The following CEP350 variants were observed in gnomAD, a reference collection of about 807,000 sequenced individuals.
CEP350 encodes centrosome-associated protein 350.
Under a neutral mutation model 331.8 loss-of-function variants are expected in CEP350, and 126 were observed. The observed-to-expected ratio is 0.38, with a 90% CI of 0.33 to 0.44. The LOEUF (loss-of-function observed/expected upper bound fraction) is 0.44, where lower values mean the gene tolerates loss of function less well. Ranked by LOEUF, CEP350 falls within the 20% of genes least tolerant of loss-of-function variation. The pLI is 1.00. For missense variants in CEP350, 3,406 were observed against 3,634.6 expected (o/e 0.94, Z 1.62); for synonymous variants, 1,200 against 1,259.5 (o/e 0.95, Z 1.00).
rs752846767 is a variant in CEP350, at chr1:180,022,685, T to C, written c.3236-13T>C. The stretch of plus-strand genomic sequence containing the variant: ...TTCGTTTTTAACCATGTTTCAATTA[T>C]TACTTTTGTCAGGGTTTGAAGACAA... On this transcript the variant is annotated splice_polypyrimidine_tract_variant and intron_variant, in intron 12 of 37. Transcript: ENST00000367607. 7.5e-6 allele frequency: 12 copies of C among 1,604,360 alleles called. No homozygotes were observed. The highest frequency in any genetic ancestry group is 1.0e-5 in the Non-Finnish European group (12 of 1,175,996).
intron 37 of CEP350, among the ~76,000 whole-genome samples, chr1:180,106,721 C>T (rs959830949): frequency 6.6e-6 from 1 of 152,134 alleles, no homozygotes; most frequent in South Asian, 2.1e-4. Context: ...GATGCATCAC[C>T]GCGACCAGCC....
intron 27 of CEP350, among the ~76,000 whole-genome samples, chr1:180,073,254 G>T (rs754193257): frequency 2.0e-5 from 3 of 152,126 alleles, no homozygotes; most frequent in Non-Finnish European, 4.4e-5. Flanking sequence ...TTTATATTGT[G>T]GAGGTGAACA....
intron 37 of CEP350, among the ~76,000 whole-genome samples, 176 bp from the exon 38 acceptor site, chr1:180,110,821 G>GT (rs1054693001): frequency 6.6e-6 from 1 of 152,086 alleles, no homozygotes; most frequent in Non-Finnish European, 1.5e-5. Context: ...GGCAATTGAG[G>GT]TTTTTTCAAC....
intron 1 of CEP350, among the ~76,000 whole-genome samples, chr1:179,974,251 T>C (rs1651679143): frequency 2.6e-5 from 4 of 152,088 alleles, no homozygotes; most frequent in Admixed American, 1.3e-4. Flanking sequence ...GGCTAATTTT[T>C]TGGTATTTTT....
Position 179,992,182 on chromosome 1 carries a change from A to C in CEP350, c.356A>C (p.Asn119Thr), listed in dbSNP as rs528341058. 8 of 1,512,482 alleles carry C rather than the reference A, an allele frequency of 5.3e-6. No homozygotes were observed. The East Asian group carries it at 1.8e-4, about 34-fold the overall frequency. The allele number at this position is 1,512,482 out of a possible 1,614,324, so 93.7% of individuals were successfully genotyped here. Residue 119 changes from asparagine (N) to threonine (T), a missense_variant, in exon 5 of 38, where the codon AAT becomes ACT. Physicochemically the swap from Asn to Thr is moderately conservative, Grantham distance 65. Around this residue, in one of 5 missense-constraint regions of CEP350, gnomAD observed 1,857 missense variants for 1,909.2 expected, o/e 0.97. Coordinates refer to ENST00000367607, the MANE Select transcript of CEP350 (RefSeq NM_014810.5). ...ATTLESNVKK[N>T]NRVEFREPLV... is the part of the protein sequence containing the mutation. Reference sequence around the variant, plus strand: ...ACCCTGGAGAGTAATGTGAAGAAAAATAATCGTGTGGAATTTCGTGAACCT... The same window carrying C: ...ACCCTGGAGAGTAATGTGAAGAAAACTAATCGTGTGGAATTTCGTGAACCT...
chr1:180,009,166 C>T (rs570750764), intron 8 of CEP350, among the ~76,000 whole-genome samples: 2 of 152,256 alleles, frequency 1.3e-5, no homozygotes, highest in East Asian at 1.9e-4. Flanking sequence ...TGTGCCACCA[C>T]GCCCAGCTAA....
At chr1:180,029,402 A>C (rs568392255) in intron 14 of CEP350, among the ~76,000 whole-genome samples, 1 of 152,356 alleles carries the variant, frequency 6.6e-6, no homozygotes, top group East Asian at 1.9e-4. Context: ...TTGTAGAAAA[A>C]TTAGCAATAA....
At chr1:179,959,712 C>T (rs1289662806) in intron 1 of CEP350, among the ~76,000 whole-genome samples, 2 of 151,904 alleles carry the variant, frequency 1.3e-5, no homozygotes, top group Non-Finnish European at 2.9e-5. Context: ...CAAGATTGCA[C>T]CACTGCACTC....
chr1:180,004,933 T>C (rs1301588315), intron 7 of CEP350, among the ~76,000 whole-genome samples: 1 of 99,660 alleles, frequency 1.0e-5, no homozygotes, highest in African/African-American at 2.9e-5. Flanking sequence ...CTTTCTTTCT[T>C]TCTTTCTTTC....
At chr1:179,989,335 T>C (rs370589760) in intron 3 of CEP350, among the ~76,000 whole-genome samples, 18 of 151,716 alleles carry the variant, frequency 1.2e-4, no homozygotes, top group African/African-American at 4.1e-4. Flanking sequence ...ATACAAAAAT[T>C]AGCTGGGCAT....
intron 1 of CEP350, among the ~76,000 whole-genome samples, chr1:179,977,690 T>C (rs1169414608): frequency 6.6e-6 from 1 of 152,200 alleles, no homozygotes; most frequent in Non-Finnish European, 1.5e-5. Flanking sequence ...GTACACTATG[T>C]AGACTTTATA....
chr1:180,080,956 G>A (rs754033341), intron 30 of CEP350, among the ~76,000 whole-genome samples: 2 of 151,854 alleles, frequency 1.3e-5, no homozygotes, highest in African/African-American at 2.4e-5. Context: ...GCCTCCCAGG[G>A]TCAAGCAATT....
chr1:180,037,561 TA>T (rs1286550291), intron 17 of CEP350, among the ~76,000 whole-genome samples: 3 of 152,276 alleles, frequency 2.0e-5, no homozygotes, highest in South Asian at 4.1e-4. Flanking sequence ...GGAGATGCTT[TA>T]AACAACAACA....
intron 23 of CEP350, 89 bp downstream of exon 23, chr1:180,053,255 C>T (rs1424230566): frequency 1.7e-6 from 1 of 592,140 alleles, no homozygotes; most frequent in African/African-American, 1.9e-5. Flanking sequence ...TCTCATTTGT[C>T]AGCTACTAGA....
chr1:179,973,564 A>G (rs1470862090), intron 1 of CEP350, among the ~76,000 whole-genome samples: 2 of 152,118 alleles, frequency 1.3e-5, no homozygotes, highest in African/African-American at 4.8e-5. Flanking sequence ...CAGTAGTATT[A>G]TCTTTTACTC....
chr1:179,955,102 G>C lies in CEP350; in HGVS notation c.-54G>C, dbSNP rs889496400. ...ACTGCACCCTCCGCCAGGCTCCGCG[G>C]GATGCACCGTGGTAGCCGAGGGCGG... On this transcript the variant is annotated 5_prime_UTR_variant, in exon 1 of 38. Transcript: ENST00000367607. 1 of 1,473,436 alleles carries C rather than the reference G, an allele frequency of 6.8e-7. No homozygotes were observed. The highest frequency in any genetic ancestry group is 9.0e-7 in the Non-Finnish European group (1 of 1,115,524). 91.3% of individuals were successfully genotyped at this position (1,473,436 alleles called of 1,614,324 possible).
chr1:180,045,834 A>C (rs1350168638), intron 21 of CEP350, among the ~76,000 whole-genome samples: 1 of 152,198 alleles, frequency 6.6e-6, no homozygotes, highest in African/African-American at 2.4e-5. Flanking sequence ...TTAGCCTGGC[A>C]TGAAAACTTT....
chr1:179,970,128 T>C (rs977353839), intron 1 of CEP350, among the ~76,000 whole-genome samples: 1 of 152,202 alleles, frequency 6.6e-6, no homozygotes, highest in Non-Finnish European at 1.5e-5. Context: ...TATGGGTGTC[T>C]TGTTTACGAA....
At chr1:180,110,952 T>C in intron 37 of CEP350, 45 bp from the exon 38 acceptor site, 1 of 1,545,272 alleles carries the variant, frequency 6.5e-7, no homozygotes, top group Non-Finnish European at 8.9e-7. Flanking sequence ...TTTCTAGCTT[T>C]TGTATGACAG....
Sources: allele counts gnomAD v4.1 joint callset (sites outside exome capture counted in the v4.1 genomes callset), GRCh38; gene constraint gnomAD v4.1.1; regional missense constraint gnomAD v4.1.1; transcripts MANE v1.5; gene names NCBI Gene and HGNC (gene_info 2026-07-23, HGNC 2026-07-21).